The following LMO2 variants were observed in gnomAD, a reference collection of about 807,000 sequenced individuals.
LMO2 encodes rhombotin-2.
Under a neutral mutation model 23.2 loss-of-function variants are expected in LMO2, and 20 were observed. The ratio of observed to expected loss-of-function variants is 0.86; its 90% CI spans 0.61 to 1.25. The LOEUF (loss-of-function observed/expected upper bound fraction) is 1.25, where lower values mean the gene tolerates loss of function less well. Among genes scored for constraint, LMO2 ranks in the 50% most tolerant of loss-of-function variants. The probability of loss-of-function intolerance (pLI) is 0.00; values close to 1 mark genes in which losing one functional copy is unlikely to be tolerated. For synonymous variants in LMO2, 123 were observed against 130.2 expected (o/e 0.94, Z 0.38); for missense variants, 270 against 315.3 (o/e 0.86, Z 1.09).
At chr11:33,870,446 C>A in intron 2 of LMO2, 4 of 985,950 alleles carry the variant, frequency 4.1e-6, no homozygotes, top group Non-Finnish European at 4.8e-6. Flanking sequence ...CGCGGCTCTG[C>A]GGGCTGCGGG....
At chr11:33,890,239 C>T (rs944939890) in intron 1 of LMO2, among the ~76,000 whole-genome samples, 2 of 151,520 alleles carry the variant, frequency 1.3e-5, no homozygotes, top group African/African-American at 2.4e-5. Flanking sequence ...GTGATAGATA[C>T]CAATAGATAT....
At chr11:33,861,203 G>A (rs188113491) in intron 5 of LMO2, among the ~76,000 whole-genome samples, 2 of 152,342 alleles carry the variant, frequency 1.3e-5, no homozygotes, top group East Asian at 1.9e-4. Flanking sequence ...ATTTTCACTC[G>A]TGGCTGAAAA....
intron 1 of LMO2, among the ~76,000 whole-genome samples, chr11:33,891,555 A>T (rs1857554758): frequency 6.6e-6 from 1 of 152,192 alleles, no homozygotes; most frequent in African/African-American, 2.4e-5. Context: ...TCACACAGCA[A>T]GCGCCTGACT....
intron 1 of LMO2, among the ~76,000 whole-genome samples, chr11:33,884,024 G>A (rs547401582): frequency 2.0e-5 from 3 of 152,280 alleles, no homozygotes; most frequent in Middle Eastern, 6.8e-3. Context: ...CCAGTGAAAG[G>A]AACCAGATCT....
At chr11:33,884,574 G>A (rs1365840734) in intron 1 of LMO2, among the ~76,000 whole-genome samples, 1 of 152,212 alleles carries the variant, frequency 6.6e-6, no homozygotes, top group African/African-American at 2.4e-5. Context: ...TATATAGGCT[G>A]TACCAATTTT....
At chr11:33,867,624 C>T (rs939708436) in intron 4 of LMO2, among the ~76,000 whole-genome samples, 1 of 152,158 alleles carries the variant, frequency 6.6e-6, no homozygotes, top group Non-Finnish European at 1.5e-5. Context: ...GCAGCAATTT[C>T]TCAACTGGCT....
chr11:33,861,891 C>G (rs953604731), intron 5 of LMO2, among the ~76,000 whole-genome samples: 1 of 152,178 alleles, frequency 6.6e-6, no homozygotes, highest in African/African-American at 2.4e-5. Flanking sequence ...CCTGTACAGG[C>G]TTCTGTGACT....
At position 33,864,345 on chromosome 11, in the gene LMO2, A is replaced by G. The variant is rs1304103875; in HGVS notation, c.464+257T>C. Among the ~76,000 whole-genome samples, 1 of 152,176 alleles carries G rather than the reference A, an allele frequency of 6.6e-6. No individual in the cohort carries two copies. Among genetic ancestry groups the G allele is most frequent in the Non-Finnish European group, 1.5e-5 (1 of 68,026 alleles). ...GGAAGCACTTTTCTGAATTTTGGGT[A>G]TACAATTCTCTTGCCTTTAAAGATA... On this transcript the variant is annotated intron_variant, in intron 5 of 5. Transcript: ENST00000257818. The surrounding 1 kb of genome is among the most constrained non-coding windows in gnomAD (Gnocchi z 4.8).
intron 2 of LMO2, chr11:33,881,322 G>A (rs756842172): frequency 3.3e-5 from 15 of 456,590 alleles, no homozygotes; most frequent in African/African-American, 6.0e-5. Flanking sequence ...TATTTCCTGC[G>A]TGGCCCTCCA....
At chr11:33,882,588 G>A (rs962161553) in intron 1 of LMO2, among the ~76,000 whole-genome samples, 3 of 152,148 alleles carry the variant, frequency 2.0e-5, no homozygotes, top group African/African-American at 4.8e-5. Context: ...ATTACCTAGC[G>A]GCATTTATTG....
intron 4 of LMO2, chr11:33,865,111 T>G: frequency 2.2e-6 from 1 of 462,630 alleles, no homozygotes; most frequent in Non-Finnish European, 4.0e-6. Context: ...TGCCCAGCAC[T>G]ACCTGGGCAC....
At chr11:33,874,898 T>C (rs567529726) in intron 2 of LMO2, among the ~76,000 whole-genome samples, 1 of 152,356 alleles carries the variant, frequency 6.6e-6, no homozygotes, top group South Asian at 2.1e-4. Context: ...AACAAAGCAC[T>C]GAAGGAGCCG....
At chr11:33,890,347 T>TTTTTTG (rs938047357) in intron 1 of LMO2, among the ~76,000 whole-genome samples, 1 of 152,118 alleles carries the variant, frequency 6.6e-6, no homozygotes, top group Admixed American at 6.6e-5. Context: ...TTATGTAAGT[T>TTTTTTG]TTTTTGTTTT....
chr11:33,871,177 G>T, intron 2 of LMO2: 1 of 377,128 alleles, frequency 2.7e-6, no homozygotes, highest in Non-Finnish European at 3.6e-6. Context: ...CAAGGCTTGG[G>T]TCCCTAATGG....
At chr11:33,879,342 G>A (rs373343928) in intron 2 of LMO2, among the ~76,000 whole-genome samples, 3 of 151,864 alleles carry the variant, frequency 2.0e-5, no homozygotes, top group Admixed American at 6.6e-5. Context: ...CATATAGGCC[G>A]GGCACTGTGG....
intron 5 of LMO2, among the ~76,000 whole-genome samples, chr11:33,863,826 A>G (rs1328302879): frequency 6.6e-6 from 1 of 152,196 alleles, no homozygotes; most frequent in East Asian, 1.9e-4. Flanking sequence ...TGCTCATTAG[A>G]TTGGAAAATA....
In LMO2 at chr11:33,860,609, C is replaced by A. The variant is rs574069161; in HGVS notation, c.465-1034G>T. ...TGAAACTGTGTCTTTACAAAAAATA[C>A]AAAAATTAGCCGGGTGCGGTGGTGC... On this transcript the variant is annotated intron_variant, in intron 5 of 5. Coordinates refer to ENST00000257818, the MANE Select transcript of LMO2 (RefSeq NM_005574.4). 9.2e-5 allele frequency among the ~76,000 whole-genome samples: 14 copies of A among 152,112 alleles called. 1 individual carries two copies. In the East Asian group the frequency reaches 2.7e-3, roughly 29 times the overall value.
chr11:33,875,722 C>T (rs1361513292), intron 2 of LMO2, among the ~76,000 whole-genome samples: 2 of 152,208 alleles, frequency 1.3e-5, no homozygotes, highest in African/African-American at 4.8e-5. Context: ...CCTTTGGGTA[C>T]CAAACCCTGA....
chr11:33,864,829 G>T lies in LMO2; in HGVS notation c.249-12C>A. 1 of 1,611,328 alleles carries T rather than the reference G, an allele frequency of 6.2e-7. No homozygotes were observed. Among genetic ancestry groups the T allele is most frequent in the Non-Finnish European group, 8.5e-7 (1 of 1,178,750 alleles). Reference sequence around the variant, plus strand: ...CATCCACTGGTTCCCTGGAGAGAAGGCCAAGCATCAGGGACAGCCTCACCA... The same window carrying T: ...CATCCACTGGTTCCCTGGAGAGAAGTCCAAGCATCAGGGACAGCCTCACCA... On this transcript the variant is annotated splice_polypyrimidine_tract_variant and intron_variant, in intron 4 of 5. Transcript: ENST00000257818. This position sits in a 1 kb window ranked among gnomAD's most constrained non-coding sequence, Gnocchi z 4.8.
Sources: allele counts gnomAD v4.1 joint callset (sites outside exome capture counted in the v4.1 genomes callset), GRCh38; gene constraint gnomAD v4.1.1; non-coding constraint Gnocchi (gnomAD v3.1); transcripts MANE v1.5; gene names NCBI Gene and HGNC (gene_info 2026-07-23, HGNC 2026-07-21).